AKAP6: variants seen among roughly 807,000 people sequenced by gnomAD.
AKAP6 encodes the protein A-kinase anchoring protein 6.
In AKAP6, 58 loss-of-function variants were observed where a neutral mutation model predicts 188.5. That is an observed-to-expected ratio of 0.31 (90% CI 0.25 to 0.38). The LOEUF is 0.38. AKAP6 is among the 10% of genes least tolerant of loss of function. The pLI is 1.00. For synonymous variants in AKAP6, 989 were observed against 998.6 expected, an observed-to-expected ratio of 0.99 and a Z score of 0.18; for missense variants, 2,710 against 2,740.0, an observed-to-expected ratio of 0.99 and a Z score of 0.24.
At chr14:32,759,855 G>A (rs2032477995) in intron 11 of AKAP6, among the ~76,000 whole-genome samples, 1 of 152,094 alleles carries the variant, frequency 6.6e-6, no homozygotes. Flanking sequence ...CTCCCACCAG[G>A]CCCCACCTCC....
intron 2 of AKAP6, among the ~76,000 whole-genome samples, chr14:32,445,057 C>A (rs1413687084): frequency 6.6e-6 from 1 of 152,198 alleles, no homozygotes; most frequent in Non-Finnish European, 1.5e-5. Context: ...GTGTTTACTT[C>A]TGTTAGCTTC....
At chr14:32,797,412 C>G (rs2033803952) in intron 12 of AKAP6, among the ~76,000 whole-genome samples, 1 of 152,158 alleles carries the variant, frequency 6.6e-6, no homozygotes, top group African/African-American at 2.4e-5. Context: ...TAGATATATA[C>G]CATGGAATAC....
At chr14:32,591,805 T>C (rs1380327352) in intron 5 of AKAP6, among the ~76,000 whole-genome samples, 1 of 152,244 alleles carries the variant, frequency 6.6e-6, no homozygotes, top group Non-Finnish European at 1.5e-5. Context: ...TCATAACTGA[T>C]AAATCAATGA....
At chr14:32,401,379 A>G (rs759148267) in intron 1 of AKAP6, among the ~76,000 whole-genome samples, 4 of 152,206 alleles carry the variant, frequency 2.6e-5, no homozygotes, top group Non-Finnish European at 5.9e-5. Flanking sequence ...ACCCCCAGCT[A>G]CAGAGTGCCG....
intron 2 of AKAP6, among the ~76,000 whole-genome samples, chr14:32,490,541 C>T (rs1427691415): frequency 6.6e-6 from 1 of 152,096 alleles, no homozygotes; most frequent in Non-Finnish European, 1.5e-5. Flanking sequence ...TTTACCTTTA[C>T]CTTTACTCCT....
At chr14:32,411,856 A>T (rs1362020878) in intron 1 of AKAP6, among the ~76,000 whole-genome samples, 1 of 150,810 alleles carries the variant, frequency 6.6e-6, no homozygotes, top group Non-Finnish European at 1.5e-5. Flanking sequence ...GCAGAGGCTA[A>T]TGAGAACATT....
At chr14:32,777,505 A>C (rs939099517) in intron 12 of AKAP6, among the ~76,000 whole-genome samples, 3 of 152,182 alleles carry the variant, frequency 2.0e-5, no homozygotes, top group Non-Finnish European at 2.9e-5. Context: ...ATCTACCTGA[A>C]ATCACATTAT....
At position 32,834,603 on chromosome 14, in the gene AKAP6, T is replaced by G. The variant is rs2034856130; in HGVS notation, c.*4798T>G. 6.6e-6 allele frequency: 1 copy of G among 151,740 alleles called. No homozygotes were observed. Among genetic ancestry groups the G allele is most frequent in the African/African-American group, 2.4e-5 (1 of 41,214 alleles). The allele number at this position is 151,740 out of a possible 1,614,324, so 9.4% of individuals were successfully genotyped here. On this transcript the variant is annotated 3_prime_UTR_variant, in exon 14 of 14. Transcript: ENST00000280979. ...CTTTTACTCTATTTTTCTTTGGGCT[T>G]TTATAACATCGACAGTTCTGAAAAG...
chr14:32,362,440 G>C (rs901056190), intron 1 of AKAP6, among the ~76,000 whole-genome samples: 2 of 152,152 alleles, frequency 1.3e-5, no homozygotes, highest in Admixed American at 6.5e-5. Flanking sequence ...TCAGACTCGG[G>C]AAAAGCTTCA....
intron 1 of AKAP6, among the ~76,000 whole-genome samples, chr14:32,359,486 A>G (rs1887588616): frequency 2.0e-5 from 3 of 152,050 alleles, no homozygotes; most frequent in Non-Finnish European, 4.4e-5. Flanking sequence ...TTTAATATTG[A>G]CATCAGACAT....
chr14:32,340,459 C>T (rs1314467716), intron 1 of AKAP6, among the ~76,000 whole-genome samples: 1 of 152,116 alleles, frequency 6.6e-6, no homozygotes, highest in Non-Finnish European at 1.5e-5. Flanking sequence ...TCTTGGTTTC[C>T]TCCACAGTAA....
chr14:32,652,727 C>T (rs1426307771), intron 7 of AKAP6, among the ~76,000 whole-genome samples: 1 of 152,158 alleles, frequency 6.6e-6, no homozygotes, highest in East Asian at 1.9e-4. Context: ...CTATTTTCTT[C>T]CCATTCCTCT....
intron 11 of AKAP6, among the ~76,000 whole-genome samples, chr14:32,751,859 C>T (rs942556982): frequency 6.6e-6 from 1 of 152,090 alleles, no homozygotes; most frequent in Non-Finnish European, 1.5e-5. Flanking sequence ...GTTCTGTCTT[C>T]AAAAGTACCA....
intron 2 of AKAP6, among the ~76,000 whole-genome samples, chr14:32,490,011 C>T (rs535835551): frequency 9.2e-5 from 14 of 151,904 alleles, no homozygotes; most frequent in East Asian, 3.9e-4. Flanking sequence ...CAATGTTTTT[C>T]GGACAGGGGG....
Position 32,775,987 on chromosome 14 carries a change from C to T in AKAP6, c.3588+2094C>T, listed in dbSNP as rs2300847. ...TAATGCCAACAAATACTGTGAGCAC[C>T]GGGTACATCATTCAGTGGGAGATAT... On this transcript the variant is annotated intron_variant, in intron 12 of 13. Transcript: ENST00000280979. 4.8e-4 allele frequency among the ~76,000 whole-genome samples: 73 copies of T among 152,222 alleles called. 1 individual carries two copies. In the East Asian group the frequency reaches 0.013, roughly 28 times the overall value.
At chr14:32,749,286 A>C (rs1285299095) in intron 11 of AKAP6, among the ~76,000 whole-genome samples, 1 of 152,096 alleles carries the variant, frequency 6.6e-6, no homozygotes, top group Non-Finnish European at 1.5e-5. Context: ...TCCATTGGTA[A>C]ATTTTTCAAT....
At chr14:32,766,701 A>G (rs1212838449) in intron 11 of AKAP6, among the ~76,000 whole-genome samples, 2 of 151,974 alleles carry the variant, frequency 1.3e-5, no homozygotes, top group African/African-American at 4.8e-5. Flanking sequence ...TGGTCTTGAT[A>G]TTTTCTCCCA....
At chr14:32,655,233 G>C (rs764316008) in intron 7 of AKAP6, among the ~76,000 whole-genome samples, 6 of 152,158 alleles carry the variant, frequency 3.9e-5, no homozygotes, top group Non-Finnish European at 7.3e-5. Context: ...TACTTACCTA[G>C]TCATTAACAT....
chr14:32,733,244 A>G (rs1228769222), intron 10 of AKAP6: 2 of 154,766 alleles, frequency 1.3e-5, no homozygotes, highest in East Asian at 3.8e-4. Flanking sequence ...AAAAGGCAAT[A>G]TAGAGATTCT....
Sources: allele counts gnomAD v4.1 joint callset (sites outside exome capture counted in the v4.1 genomes callset), GRCh38; gene constraint gnomAD v4.1.1; transcripts MANE v1.5; gene names NCBI Gene and HGNC (gene_info 2026-07-23, HGNC 2026-07-21).